The following FBXL17 variants were observed in gnomAD, a reference collection of about 807,000 sequenced individuals.
FBXL17 encodes F-box and leucine rich repeat protein 17.
Under a neutral mutation model 66.2 loss-of-function variants are expected in FBXL17, and 22 were observed. The ratio of observed to expected loss-of-function variants is 0.33; its 90% CI spans 0.24 to 0.47. The LOEUF is 0.47. Among genes scored for constraint, FBXL17 ranks in the 20% least tolerant of loss-of-function variants. The pLI, the probability that FBXL17 is intolerant of heterozygous loss-of-function variation, is 1.00. For missense variants in FBXL17, 878 were observed against 948.2 expected, an observed-to-expected ratio of 0.93 and a Z score of 0.97; for synonymous variants, 474 against 400.5, an observed-to-expected ratio of 1.18 and a Z score of -2.19.
At chr5:107,879,022 T>C in intron 8 of FBXL17, 1 of 985,486 alleles carries the variant, frequency 1.0e-6, no homozygotes, top group Non-Finnish European at 1.2e-6. Flanking sequence ...CTCTATTTAA[T>C]TTTGGACTAA....
intron 5 of FBXL17, among the ~76,000 whole-genome samples, chr5:108,207,227 G>A (rs1754158982): frequency 6.6e-6 from 1 of 152,124 alleles, no homozygotes; most frequent in Non-Finnish European, 1.5e-5. Context: ...TAAGGGAAAA[G>A]GGACTCTCTC....
intron 4 of FBXL17, among the ~76,000 whole-genome samples, chr5:108,234,827 G>C (rs1755526294): frequency 6.6e-6 from 1 of 152,008 alleles, no homozygotes; most frequent in African/African-American, 2.4e-5. Context: ...CATAAAAGTA[G>C]TAACTGGAAT....
At chr5:108,264,904 GT>G (rs1034403327) in intron 4 of FBXL17, among the ~76,000 whole-genome samples, 1 of 151,214 alleles carries the variant, frequency 6.6e-6, no homozygotes, top group South Asian at 2.1e-4. Context: ...AAAAAATCAT[GT>G]TTTTTAAATT....
chr5:108,143,003 A>ATAATAATAATAATAATAAT (rs58906146), intron 6 of FBXL17, among the ~76,000 whole-genome samples: 1 of 150,956 alleles, frequency 6.6e-6, no homozygotes, highest in Non-Finnish European at 1.5e-5. Context: ...AATAATAATA[A>ATAATAATAATAATAATAAT]AAGATTCTCA....
chr5:107,878,689 CTACTT>C, intron 8 of FBXL17: 3 of 985,384 alleles, frequency 3.0e-6, no homozygotes, highest in Non-Finnish European at 3.6e-6. Context: ...AACTGAATAG[CTACTT>C]TAGATTTCCA....
intron 6 of FBXL17, among the ~76,000 whole-genome samples, chr5:108,098,561 C>T (rs995988526): frequency 2.0e-5 from 3 of 151,844 alleles, no homozygotes; most frequent in African/African-American, 2.4e-5. Flanking sequence ...CTGGCTAACA[C>T]GGTCAAACCC....
In FBXL17 at chr5:108,352,149, G is replaced by A. The variant is rs116435844; in HGVS notation, c.1375-3619C>T. Among the ~76,000 whole-genome samples the A allele has an allele frequency of 7.9e-3, 1,206 of 152,318 alleles. 11 individuals are homozygous for A. Among genetic ancestry groups the A allele is most frequent in the African/African-American group, 0.027 (1,141 of 41,570 alleles). On this transcript the variant is annotated intron_variant, in intron 3 of 8. Coordinates refer to ENST00000542267, the MANE Select transcript of FBXL17 (RefSeq NM_001163315.3). ...GAAGCTATTATGATTTACTACTACT[G>A]AGTAAAACCATCATTTAATCTCACT...
intron 4 of FBXL17, among the ~76,000 whole-genome samples, chr5:108,334,196 G>T (rs975291329): frequency 6.6e-6 from 1 of 152,176 alleles, no homozygotes; most frequent in African/African-American, 2.4e-5. Context: ...ACTAGGAAAT[G>T]AAAATCTCTG....
chr5:108,361,946 G>A (rs539998869), intron 3 of FBXL17, among the ~76,000 whole-genome samples: 4 of 152,128 alleles, frequency 2.6e-5, no homozygotes, highest in Non-Finnish European at 5.9e-5. Context: ...TGGGGAATGG[G>A]TGAGGCACAG....
intron 7 of FBXL17, among the ~76,000 whole-genome samples, chr5:107,946,847 T>C (rs1171312650): frequency 4.6e-5 from 7 of 152,136 alleles, no homozygotes; most frequent in Non-Finnish European, 8.8e-5. Flanking sequence ...CATGAATGGA[T>C]AATACATAAG....
chr5:108,252,133 AG>A (rs1224555326), intron 4 of FBXL17, among the ~76,000 whole-genome samples: 1 of 152,166 alleles, frequency 6.6e-6, no homozygotes, highest in Non-Finnish European at 1.5e-5. Context: ...TAAAGAAAAG[AG>A]AACTTTTCCA....
intron 4 of FBXL17, among the ~76,000 whole-genome samples, chr5:108,343,688 A>G (rs1376091739): frequency 1.3e-5 from 2 of 152,216 alleles, no homozygotes; most frequent in East Asian, 1.9e-4. Flanking sequence ...TTTATCTTAT[A>G]TACTACTCTA....
chr5:107,863,583 C>G (rs1748193067), intron 8 of FBXL17, among the ~76,000 whole-genome samples: 1 of 141,782 alleles, frequency 7.1e-6, no homozygotes, highest in Non-Finnish European at 1.6e-5. Context: ...CCCCATAGTA[C>G]TTATTATTGT....
chr5:107,952,872 CAATCCA>C (rs1457073825), intron 7 of FBXL17, among the ~76,000 whole-genome samples: 3 of 152,100 alleles, frequency 2.0e-5, no homozygotes, highest in African/African-American at 7.2e-5. Context: ...TATAAATATT[CAATCCA>C]AATAACTAGG....
chr5:108,256,618 T>C (rs1168636450), intron 4 of FBXL17, among the ~76,000 whole-genome samples: 2 of 152,122 alleles, frequency 1.3e-5, no homozygotes, highest in East Asian at 3.8e-4. Context: ...TTTTCAAATA[T>C]GAAAATAAGG....
intron 7 of FBXL17, among the ~76,000 whole-genome samples, chr5:107,913,036 T>C (rs999124654): frequency 2.0e-5 from 3 of 152,088 alleles, no homozygotes; most frequent in Non-Finnish European, 2.9e-5. Flanking sequence ...AGATTATAAG[T>C]GCTTTAAAAG....
chr5:108,302,309 A>G (rs1758627567), intron 4 of FBXL17, among the ~76,000 whole-genome samples: 1 of 151,868 alleles, frequency 6.6e-6, no homozygotes, highest in Non-Finnish European at 1.5e-5. Context: ...TCCAAAAAAA[A>G]GGGTGGGAGG....
At chr5:108,263,857 A>C (rs951189134) in intron 4 of FBXL17, among the ~76,000 whole-genome samples, 8 of 152,220 alleles carry the variant, frequency 5.3e-5, no homozygotes, top group African/African-American at 1.9e-4. Context: ...TCCTTATTAG[A>C]ACAAACTACC....
intron 4 of FBXL17, among the ~76,000 whole-genome samples, chr5:108,348,007 A>C (rs1248513523): frequency 6.6e-6 from 1 of 152,182 alleles, no homozygotes; most frequent in Non-Finnish European, 1.5e-5. Flanking sequence ...TTACAAGAGT[A>C]CATTTTTCTG....
Sources: allele counts gnomAD v4.1 joint callset (sites outside exome capture counted in the v4.1 genomes callset), GRCh38; gene constraint gnomAD v4.1.1; transcripts MANE v1.5; gene names NCBI Gene and HGNC (gene_info 2026-07-23, HGNC 2026-07-21).